Variants in GFI1B observed in about 807,000 individuals in gnomAD.
GFI1B encodes zinc finger protein Gfi-1b.
A neutral mutation model predicts 35.3 loss-of-function variants in GFI1B; 20 were observed. That is an observed-to-expected ratio of 0.57 (90% CI 0.40 to 0.82). The LOEUF (loss-of-function observed/expected upper bound fraction) is 0.82. GFI1B is among the 40% of genes least tolerant of loss of function. GFI1B has a pLI of 0.00. For synonymous variants in GFI1B, 178 were observed against 177.6 expected (o/e 1.00, Z -0.02); for missense variants, 430 against 446.3 (o/e 0.96, Z 0.33).
At chr9:132,983,751 C>A (rs1022232161) in intron 1 of GFI1B, among the ~76,000 whole-genome samples, 2 of 152,230 alleles carry the variant, frequency 1.3e-5, no homozygotes, top group Admixed American at 6.5e-5. Context: ...CCTAGCACGT[C>A]GGCTCCACTC....
chr9:132,987,277 C>T lies in GFI1B; in HGVS notation c.101-5C>T, dbSNP rs768680077. The T allele has an allele frequency of 6.2e-7, 1 of 1,613,722 alleles. No individual in the cohort carries two copies. The highest frequency in any genetic ancestry group is 8.5e-7 in the Non-Finnish European group (1 of 1,179,816). Reference sequence around the variant, plus strand: ...ATTGATGCTGATGGTCCTATCTCCCCACAGTGCCCAGAGACCAGGCTCCAA... The same window carrying T: ...ATTGATGCTGATGGTCCTATCTCCCTACAGTGCCCAGAGACCAGGCTCCAA... On this transcript the variant is annotated splice_region_variant and splice_polypyrimidine_tract_variant and intron_variant, in intron 2 of 6. Coordinates refer to ENST00000372122, the MANE Select transcript of GFI1B (RefSeq NM_001377304.1).
downstream of GFI1B, among the ~76,000 whole-genome samples, chr9:132,993,184 C>A (rs904718673): frequency 3.9e-5 from 6 of 152,132 alleles, no homozygotes; most frequent in Non-Finnish European, 8.8e-5. Flanking sequence ...AACCCAGCTA[C>A]TTGGGAAGCT....
intron 1 of GFI1B, among the ~76,000 whole-genome samples, chr9:132,980,616 A>G (rs1200928897): frequency 6.6e-6 from 1 of 152,190 alleles, no homozygotes; most frequent in African/African-American, 2.4e-5. Context: ...ACCACCATCC[A>G]TCCACAGAAC....
chr9:132,955,433 G>A (rs1312836617), intron 1 of GFI1B, among the ~76,000 whole-genome samples: 2 of 152,104 alleles, frequency 1.3e-5, no homozygotes, highest in East Asian at 1.9e-4. Context: ...GGGACTATGG[G>A]TGCATGTCAC....
chr9:132,961,300 C>T (rs1848359342), intron 1 of GFI1B, among the ~76,000 whole-genome samples: 1 of 151,280 alleles, frequency 6.6e-6, no homozygotes, highest in African/African-American at 2.4e-5. Context: ...GCAAGCAGAG[C>T]AAAGTCAGAA....
intron 1 of GFI1B, among the ~76,000 whole-genome samples, chr9:132,972,012 C>T (rs897595704): frequency 6.0e-5 from 9 of 150,430 alleles, no homozygotes; most frequent in Non-Finnish European, 8.9e-5. Context: ...TGGTGGCTCA[C>T]GCCTGTAATC....
Position 132,989,607 on chromosome 9 carries a change from G to A in GFI1B, c.649-135G>A. The A allele has an allele frequency of 1.5e-6, 1 of 654,890 alleles. No homozygotes were observed. The highest frequency in any genetic ancestry group is 2.7e-6 in the Non-Finnish European group (1 of 373,358). 40.6% of individuals were successfully genotyped at this position (654,890 alleles called of 1,614,324 possible). ...GACTCCAAGCCCCAGTTTCACCTCA[G>A]AGGCAGAGATGAGGGGTCCCCCGGT... On this transcript the variant is annotated intron_variant, in intron 5 of 6. Coordinates refer to ENST00000372122, the MANE Select transcript of GFI1B (RefSeq NM_001377304.1). This position sits in a 1 kb window ranked among gnomAD's most constrained non-coding sequence, Gnocchi z 6.2.
intron 1 of GFI1B, among the ~76,000 whole-genome samples, chr9:132,967,104 T>C (rs1351415325): frequency 6.6e-6 from 1 of 152,186 alleles, no homozygotes. Flanking sequence ...ATTAGTTCTT[T>C]GGGGAGGGAA....
chr9:132,975,577 G>A (rs904394044), upstream of GFI1B, among the ~76,000 whole-genome samples: 1 of 152,096 alleles, frequency 6.6e-6, no homozygotes, highest in Admixed American at 6.5e-5. Context: ...TAAATTTCAG[G>A]TTGCTCTTTC....
Position 132,988,232 on chromosome 9 carries a change from G to T in GFI1B, c.274G>T (p.Asp92Tyr). ...PIVLSRPQDGDSPLSDSPPFY... is the reference protein window; with the variant it reads ...PIVLSRPQDGYSPLSDSPPFY... ...TGTGCTGTCCCGACCCCAGGATGGG[G>T]ACTCTCCACTGTCCGACTCACCCCC... Residue 92 changes from aspartate to tyrosine, a missense_variant, in exon 4 of 7, where the codon GAC becomes TAC. Transcript: ENST00000372122. 6.2e-7 allele frequency: 1 copy of T among 1,614,078 alleles called. No homozygotes were observed. The highest frequency in any genetic ancestry group is 1.7e-5 in the Admixed American group (1 of 60,022).
chr9:132,981,358 A>C (rs964614800), intron 1 of GFI1B, among the ~76,000 whole-genome samples: 3 of 152,142 alleles, frequency 2.0e-5, no homozygotes, highest in Non-Finnish European at 4.4e-5. Context: ...AGATTCACTC[A>C]CTTTTGACAT....
chr9:132,956,121 A>G (rs1487584948), intron 1 of GFI1B, among the ~76,000 whole-genome samples: 1 of 152,226 alleles, frequency 6.6e-6, no homozygotes, highest in African/African-American at 2.4e-5. Context: ...ACATGTGGCC[A>G]CTATGGCCTG....
At chr9:132,959,924 C>A (rs1848339387) in intron 1 of GFI1B, among the ~76,000 whole-genome samples, 1 of 152,208 alleles carries the variant, frequency 6.6e-6, no homozygotes, top group Non-Finnish European at 1.5e-5. Context: ...TTCAGCTGAA[C>A]CGAACTTCAT....
intron 1 of GFI1B, among the ~76,000 whole-genome samples, chr9:132,984,503 C>G (rs1284837018): frequency 1.3e-5 from 2 of 152,156 alleles, no homozygotes; most frequent in African/African-American, 4.8e-5. Flanking sequence ...AGTACAGGGC[C>G]TTGAGCGCGG....
intron 1 of GFI1B, among the ~76,000 whole-genome samples, chr9:132,958,131 G>A (rs780672906): frequency 3.9e-5 from 6 of 152,144 alleles, no homozygotes; most frequent in East Asian, 1.9e-4. Flanking sequence ...TAATTGGGTC[G>A]ACATCTGCTG....
chr9:132,981,125 G>A (rs1411563154), intron 1 of GFI1B, among the ~76,000 whole-genome samples: 1 of 152,198 alleles, frequency 6.6e-6, no homozygotes, highest in East Asian at 1.9e-4. Context: ...TGGAACTCCT[G>A]ACCTCAGGTG....
chr9:132,985,136 G>A (rs972466725), intron 1 of GFI1B, among the ~76,000 whole-genome samples: 1 of 152,234 alleles, frequency 6.6e-6, no homozygotes, highest in Non-Finnish European at 1.5e-5. Flanking sequence ...GCAGCGTGGG[G>A]GCAGAAAGGA....
At position 132,987,360 on chromosome 9, in the gene GFI1B, T is replaced by C. The variant is rs1381935874; in HGVS notation, c.179T>C (p.Leu60Pro). 4 of 1,614,084 alleles carry C rather than the reference T, an allele frequency of 2.5e-6. No homozygotes were observed. In the Admixed American group the frequency reaches 6.7e-5, roughly 27 times the overall value. The change falls in exon 3 of 7, where the codon CTC becomes CCC. Residue 60 changes from leucine to proline, a missense_variant. Transcript: ENST00000372122. Reference protein sequence around the residue: ...FPNQCLDWTNLKREPELEQDQ... With the variant: ...FPNQCLDWTNPKREPELEQDQ... ...AACCAGTGCCTGGACTGGACCAACC[T>C]CAAACGAGAGCCGGAGCTGGAGCAG...
chr9:132,961,359 G>A (rs192819506), intron 1 of GFI1B, among the ~76,000 whole-genome samples: 174 of 150,780 alleles, frequency 1.2e-3, no homozygotes, highest in Non-Finnish European at 2.1e-3. Context: ...ATCACAAACG[G>A]CCTCTCTAAT....
Sources: allele counts gnomAD v4.1 joint callset (sites outside exome capture counted in the v4.1 genomes callset), GRCh38; gene constraint gnomAD v4.1.1; non-coding constraint Gnocchi (gnomAD v3.1); transcripts MANE v1.5; gene names NCBI Gene and HGNC (gene_info 2026-07-23, HGNC 2026-07-21).